Variants in SHANK2 observed in about 807,000 individuals in gnomAD.
The protein encoded by SHANK2 is SH3 and multiple ankyrin repeat domains protein 2.
Under a neutral mutation model 133.7 loss-of-function variants are expected in SHANK2, and 43 were observed. The ratio of observed to expected loss-of-function variants is 0.32; its 90% CI spans 0.25 to 0.41. SHANK2 has a LOEUF of 0.41. Ranked by LOEUF, SHANK2 falls within the 10% of genes least tolerant of loss-of-function variation. The pLI is 1.00. For missense variants in SHANK2, 1,994 were observed against 2,235.8 expected, an observed-to-expected ratio of 0.89 and a Z score of 2.18; for synonymous variants, 1,017 against 952.8, an observed-to-expected ratio of 1.07 and a Z score of -1.24.
chr11:70,843,759 G>A (rs572905872), intron 11 of SHANK2, among the ~76,000 whole-genome samples: 12 of 152,142 alleles, frequency 7.9e-5, no homozygotes, highest in Non-Finnish European at 1.8e-4. Flanking sequence ...CTCTGCACAC[G>A]GGAGACTGAT....
At chr11:70,766,685 T>C (rs1947130855) in intron 14 of SHANK2, among the ~76,000 whole-genome samples, 1 of 152,188 alleles carries the variant, frequency 6.6e-6, no homozygotes, top group African/African-American at 2.4e-5. Flanking sequence ...GGAATGCTCC[T>C]TGCCGCTCTA....
rs564382319 is a variant in SHANK2, at chr11:70,623,311, A to G, written c.2061+36517T>C. 3.0e-3 allele frequency among the ~76,000 whole-genome samples: 289 copies of G among 97,004 alleles called. 2 individuals are homozygous for G. Among genetic ancestry groups the G allele is most frequent in the African/African-American group, 0.011 (274 of 23,844 alleles). 63.6% of individuals were successfully genotyped at this position (97,004 alleles called of 152,430 possible). ...TTTTTGCCTCTGGGGCTCTAAGCCC[A>G]CCTCCTCCGAGGTTGCCGACCTTCC... On this transcript the variant is annotated intron_variant, in intron 17 of 25. Transcript: ENST00000601538.
intron 2 of SHANK2, among the ~76,000 whole-genome samples, chr11:71,168,955 A>G (rs1565492339): frequency 6.6e-6 from 1 of 152,228 alleles, no homozygotes; most frequent in Non-Finnish European, 1.5e-5. Flanking sequence ...GTTTGAGCAA[A>G]CAGTGATTTA....
chr11:71,058,903 C>T (rs1950954043), intron 9 of SHANK2, among the ~76,000 whole-genome samples: 1 of 152,238 alleles, frequency 6.6e-6, no homozygotes, highest in African/African-American at 2.4e-5. Flanking sequence ...TGGGACCTGG[C>T]AGATCAGCAG....
intron 17 of SHANK2, among the ~76,000 whole-genome samples, chr11:70,587,392 G>A (rs1369551509): frequency 2.6e-5 from 4 of 152,172 alleles, no homozygotes; most frequent in East Asian, 1.9e-4. Flanking sequence ...AGCCTGTCGC[G>A]GCACCACGGG....
intron 3 of SHANK2, among the ~76,000 whole-genome samples, chr11:71,143,380 T>G (rs1407364123): frequency 1.3e-5 from 2 of 152,230 alleles, no homozygotes; most frequent in African/African-American, 4.8e-5. Flanking sequence ...TAAAATTTAT[T>G]TGTAACCCCA....
At chr11:70,519,319 T>C (rs1554970613) in intron 17 of SHANK2, among the ~76,000 whole-genome samples, 1 of 152,216 alleles carries the variant, frequency 6.6e-6, no homozygotes, top group African/African-American at 2.4e-5. Context: ...TCAGTTTTCA[T>C]GTGAATGAGT....
intron 10 of SHANK2, among the ~76,000 whole-genome samples, chr11:70,953,072 C>A (rs894542918): frequency 6.6e-6 from 1 of 152,044 alleles, no homozygotes; most frequent in African/African-American, 2.4e-5. Context: ...GTGTGCCCTA[C>A]GAGGACCTTG....
intron 17 of SHANK2, among the ~76,000 whole-genome samples, chr11:70,511,393 C>T (rs1167859305): frequency 6.6e-6 from 1 of 152,206 alleles, no homozygotes; most frequent in Non-Finnish European, 1.5e-5. Context: ...GTCCTTAAAA[C>T]AGATGCCAGA....
At chr11:70,639,632 A>T (rs1261890652) in intron 17 of SHANK2, among the ~76,000 whole-genome samples, 5 of 152,106 alleles carry the variant, frequency 3.3e-5, no homozygotes, top group Non-Finnish European at 7.4e-5. Flanking sequence ...TTGAGAGTCA[A>T]TTTCCATCTG....
In SHANK2 at chr11:70,500,639, G is replaced by A. The variant is rs782363605; in HGVS notation, c.2288-49C>T. Reference sequence around the variant, plus strand: ...CATGAGCCACCAGGATGCAGCGCCCGCCCGCAGCCTACACTCGGGCCTTGT... The same window carrying A: ...CATGAGCCACCAGGATGCAGCGCCCACCCGCAGCCTACACTCGGGCCTTGT... On this transcript the variant is annotated intron_variant, in intron 20 of 25. Transcript: ENST00000601538. This position sits in a 1 kb window ranked among gnomAD's most constrained non-coding sequence, Gnocchi z 4.5. The A allele has an allele frequency of 2.4e-5, 38 of 1,582,666 alleles. No individual in the cohort carries two copies. Among genetic ancestry groups the A allele is most frequent in the Middle Eastern group, 1.7e-4 (1 of 6,040 alleles).
chr11:70,678,543 T>TTTTTG (rs2134370207), intron 15 of SHANK2, among the ~76,000 whole-genome samples: 1 of 142,586 alleles, frequency 7.0e-6, no homozygotes, highest in African/African-American at 2.6e-5. Flanking sequence ...TTTTTTTTTT[T>TTTTTG]TTTTTTTTTT....
chr11:71,112,165 G>A (rs372077556), intron 5 of SHANK2, among the ~76,000 whole-genome samples: 46 of 152,184 alleles, frequency 3.0e-4, no homozygotes, highest in African/African-American at 9.9e-4. Flanking sequence ...AGGCCGAGGC[G>A]GATGGATCAC....
At chr11:70,746,783 C>T (rs1163908202) in intron 14 of SHANK2, among the ~76,000 whole-genome samples, 1 of 149,756 alleles carries the variant, frequency 6.7e-6, no homozygotes, top group Non-Finnish European at 1.5e-5. Context: ...CGACCTCCCA[C>T]CTCAGCTCCT....
At chr11:71,096,346 C>A (rs1405255440) in intron 6 of SHANK2, among the ~76,000 whole-genome samples, 3 of 152,180 alleles carry the variant, frequency 2.0e-5, no homozygotes, top group Admixed American at 1.3e-4. Context: ...GGGATTGAGA[C>A]CAGTTGGAAC....
At chr11:70,883,032 C>A (rs1949681306) in intron 11 of SHANK2, among the ~76,000 whole-genome samples, 1 of 152,170 alleles carries the variant, frequency 6.6e-6, no homozygotes. Context: ...GCAGCCTTAG[C>A]AGGAGTGAAG....
rs782486587 is a variant in SHANK2, at chr11:70,896,516, T to C, written c.1159A>G (p.Lys387Glu). Residue 387 changes from lysine to glutamate, a missense_variant, in exon 11 of 26, where the codon AAG becomes GAG. By Grantham distance (56) the Lys-to-Glu change is moderately conservative. Coordinates refer to ENST00000601538, the MANE Select transcript of SHANK2 (RefSeq NM_012309.5). The stretch of plus-strand genomic sequence containing the variant: ...GCCTACTCACCAATGTCTGTTTCCT[T>C]GTGGTTCTTGATGTATTCTGCCAGC... The part of the protein sequence containing the change: ...FELAEYIKNH[K>E]ETDIVPFREA... 7.0e-6 allele frequency: 5 copies of C among 718,486 alleles called. No individual in the cohort carries two copies. The highest frequency in any genetic ancestry group is 5.2e-5 in the African/African-American group (3 of 57,272). The allele number at this position is 718,486 out of a possible 1,614,324, so 44.5% of individuals were successfully genotyped here.
intron 17 of SHANK2, among the ~76,000 whole-genome samples, chr11:70,557,818 C>G (rs1468993422): frequency 6.6e-6 from 1 of 152,256 alleles, no homozygotes; most frequent in Non-Finnish European, 1.5e-5. Flanking sequence ...TTCATGCACA[C>G]AGCTGCCCAG....
In SHANK2 at chr11:71,088,226, G is replaced by A. The variant is rs1338367281; in HGVS notation, c.912+4196C>T. On this transcript the variant is annotated intron_variant, in intron 8 of 25. Coordinates refer to ENST00000601538, the MANE Select transcript of SHANK2 (RefSeq NM_012309.5). ...TCAACTCTTCCTGGGTCTCCAGCCT[G>A]CCCTGCAGATTTTGGACTTGCAGCT... is the stretch of plus-strand genomic sequence containing the variant. Among the ~76,000 whole-genome samples, 3 of 152,274 alleles carry A rather than the reference G, an allele frequency of 2.0e-5. No individual in the cohort carries two copies. In the East Asian group the frequency reaches 5.8e-4, roughly 29 times the overall value.
Sources: gnomAD v4.1 joint callset for allele counts (sites outside exome capture counted in the v4.1 genomes callset) on GRCh38, gnomAD v4.1.1 for gene constraint, Gnocchi (gnomAD v3.1) non-coding constraint, MANE v1.5 for transcripts, NCBI Gene and HGNC (gene_info 2026-07-23, HGNC 2026-07-21) for gene names.